Variants in MMD2 observed in about 807,000 individuals in gnomAD.
MMD2 encodes monocyte to macrophage differentiation factor 2.
MMD2 carries 30 observed loss-of-function variants against 33.5 expected under a neutral mutation model. The observed-to-expected ratio is 0.90, with a 90% CI of 0.67 to 1.22. The LOEUF (loss-of-function observed/expected upper bound fraction) is 1.22. MMD2 is among the 50% of genes most tolerant of loss of function. The pLI, the probability that MMD2 is intolerant of heterozygous loss-of-function variation, is 0.00. For synonymous variants in MMD2, 129 were observed against 123.0 expected, an observed-to-expected ratio of 1.05 and a Z score of -0.32; for missense variants, 364 against 325.4, an observed-to-expected ratio of 1.12 and a Z score of -0.91.
intron 1 of MMD2, among the ~76,000 whole-genome samples, chr7:4,951,303 A>T (rs1786236054): frequency 6.6e-6 from 1 of 152,006 alleles, no homozygotes; most frequent in African/African-American, 2.4e-5. Context: ...CTCAGTTTAA[A>T]AGCCCTTAAT....
At chr7:4,907,944 G>A (rs961851763) in intron 6 of MMD2, among the ~76,000 whole-genome samples, 1 of 152,052 alleles carries the variant, frequency 6.6e-6, no homozygotes, top group African/African-American at 2.4e-5. Flanking sequence ...TGGGACTACA[G>A]ATATCCCATG....
chr7:4,928,293 C>T (rs1040352026), intron 1 of MMD2, among the ~76,000 whole-genome samples: 1 of 152,178 alleles, frequency 6.6e-6, no homozygotes, highest in Non-Finnish European at 1.5e-5. Flanking sequence ...ATTTATTGGG[C>T]ACTTTCTGTA....
At position 4,906,667 on chromosome 7, in the gene MMD2, T is replaced by G. The variant is rs1784873686; in HGVS notation, c.*729A>C. The G allele has an allele frequency of 2.5e-6, 1 of 397,472 alleles. No homozygotes were observed. The highest frequency in any genetic ancestry group is 4.4e-6 in the Non-Finnish European group (1 of 225,608). 24.6% of individuals were successfully genotyped at this position (397,472 alleles called of 1,614,324 possible). A position where few individuals can be genotyped will look rare whatever the true frequency, so the allele number is the denominator to read the frequency against. ...CAGTTTCCCTCTACCGCCCCCAAAC[T>G]GCCTACTCCAGGAGTTTCCCAAAAG... On this transcript the variant is annotated 3_prime_UTR_variant, in exon 7 of 7. Transcript: ENST00000401401.
At chr7:4,920,753 T>C (rs958842425) in intron 2 of MMD2, among the ~76,000 whole-genome samples, 10 of 121,152 alleles carry the variant, frequency 8.3e-5, no homozygotes, top group Admixed American at 5.2e-4. Flanking sequence ...TTCCTTGTCT[T>C]GTCCCCCATG....
the MMD2 span, among the ~76,000 whole-genome samples, chr7:4,896,467 G>A: frequency 3.3e-5 from 5 of 152,154 alleles, no homozygotes; most frequent in South Asian, 2.1e-4. Flanking sequence ...GTGACAGAGC[G>A]AGACTCTGTC....
At chr7:4,927,326 C>A (rs969913845) in intron 1 of MMD2, among the ~76,000 whole-genome samples, 1 of 152,006 alleles carries the variant, frequency 6.6e-6, no homozygotes, top group Non-Finnish European at 1.5e-5. Context: ...AGGCGGATCA[C>A]TTTAGGCCAG....
In MMD2 at chr7:4,940,958, G is replaced by A. The variant is rs562788024; in HGVS notation, c.48-15426C>T. Among the ~76,000 whole-genome samples, 509 of 152,256 alleles carry A rather than the reference G, an allele frequency of 3.3e-3. 3 individuals carry two copies. Among genetic ancestry groups the A allele is most frequent in the South Asian group, 0.015 (74 of 4,824 alleles). ...CGGGAAATCTCTTCCCCTATGGGAT[G>A]AGAAGGGTCCGTATCTCCAAAGCTA... On this transcript the variant is annotated intron_variant, in intron 1 of 6. Transcript: ENST00000401401. This position sits in a 1 kb window ranked among gnomAD's most constrained non-coding sequence, Gnocchi z 5.0.
At chr7:4,952,819 G>C (rs1786284448) in intron 1 of MMD2, among the ~76,000 whole-genome samples, 1 of 151,386 alleles carries the variant, frequency 6.6e-6, no homozygotes, top group South Asian at 2.1e-4. Context: ...AGCCTCCCGA[G>C]TAGCTGGGAT....
At chr7:4,911,802 C>G (rs1454848030) in intron 4 of MMD2, among the ~76,000 whole-genome samples, 1 of 152,010 alleles carries the variant, frequency 6.6e-6, no homozygotes. Context: ...GCATGCGCCA[C>G]CATGCCCGGC....
Position 4,940,731 on chromosome 7 carries a change from G to A in MMD2, c.48-15199C>T, listed in dbSNP as rs1785884753. ...CTGGGGCAGACAGTGATGGGAACAG[G>A]AAGGGGAAACTGAGCAAGGGGTGGA... On this transcript the variant is annotated intron_variant, in intron 1 of 6. Transcript: ENST00000401401. The surrounding 1 kb of genome is among the most constrained non-coding windows in gnomAD (Gnocchi z 5.0). 6.6e-6 allele frequency among the ~76,000 whole-genome samples: 1 copy of A among 152,190 alleles called. No homozygotes were observed. The highest frequency in any genetic ancestry group is 6.5e-5 in the Admixed American group (1 of 15,270).
intron 2 of MMD2, among the ~76,000 whole-genome samples, chr7:4,924,065 G>A (rs1000757418): frequency 6.6e-6 from 1 of 152,116 alleles, no homozygotes; most frequent in South Asian, 2.1e-4. Context: ...GGTGGCGGGC[G>A]CCTGTAGTCC....
downstream of MMD2, among the ~76,000 whole-genome samples, chr7:4,903,154 CT>C: frequency 6.6e-6 from 1 of 152,290 alleles, no homozygotes; most frequent in East Asian, 1.9e-4. Flanking sequence ...AGGAGAATCA[CT>C]TGAACCCAGG....
At chr7:4,894,165 G>A in the MMD2 span, among the ~76,000 whole-genome samples, 1 of 151,962 alleles carries the variant, frequency 6.6e-6, no homozygotes, top group African/African-American at 2.4e-5. This position sits in a 1 kb window ranked among gnomAD's most constrained non-coding sequence, Gnocchi z 4.3. Context: ...GATGATGCAC[G>A]ACCTCCAAGG....
chr7:4,945,267 CTTTCTTTTTT>C (rs1786043653), intron 1 of MMD2, among the ~76,000 whole-genome samples: 1 of 96,486 alleles, frequency 1.0e-5, no homozygotes, highest in Non-Finnish European at 2.1e-5. Context: ...CCTCCCCTTT[CTTTCTTTTTT>C]TTTCTTTTTT....
rs772318503 is a variant in MMD2 at position 4,906,632 on chromosome 7, G to A, written c.*764C>T. ...GAACAGAACATCAGGGGCTGCATGG[G>A]TGTGCGCCTCAGTTTCCCTCTACCG... On this transcript the variant is annotated 3_prime_UTR_variant, in exon 7 of 7. Transcript: ENST00000401401. 9.0e-5 allele frequency: 36 copies of A among 398,268 alleles called. No homozygotes were observed. Among genetic ancestry groups the A allele is most frequent in the Non-Finnish European group, 8.9e-5 (20 of 225,970 alleles). The allele number at this position is 398,268 out of a possible 1,614,324, so 24.7% of individuals were successfully genotyped here. A position where few individuals can be genotyped will look rare whatever the true frequency, so the allele number is the denominator to read the frequency against.
intron 1 of MMD2, among the ~76,000 whole-genome samples, chr7:4,951,272 C>T (rs538378728): frequency 2.4e-4 from 36 of 152,034 alleles, no homozygotes; most frequent in Admixed American, 2.1e-3. Context: ...CAAATCCAGA[C>T]GGTTTAACTG....
chr7:4,953,703 T>G (rs371637540), intron 1 of MMD2, among the ~76,000 whole-genome samples: 5 of 152,228 alleles, frequency 3.3e-5, no homozygotes, highest in East Asian at 3.9e-4. Flanking sequence ...ACTCCTGACC[T>G]CAGGTGATCC....
Position 4,907,559 on chromosome 7 carries a change from A to T in MMD2, c.578T>A (p.Val193Asp), listed in dbSNP as rs755547926. The T allele has an allele frequency of 4.3e-6, 7 of 1,612,596 alleles. No individual in the cohort carries two copies. The change falls in exon 7 of 7, where the codon GTC (valine) becomes GAC (aspartate). Residue 193 changes from valine (V) to aspartate (D), a missense_variant. Transcript: ENST00000401401. ...EGIWELVTGG[V>D]FYCLGMVFFK... ...GAAGACCATGCCCAGGCAGTAGAAG[A>T]CCCCTCCGGTCACCAGCTCCCAGAT...
At position 4,930,722 on chromosome 7, in the gene MMD2, C is replaced by T. The variant is rs147794901; in HGVS notation, c.48-5190G>A. 1.2e-3 allele frequency among the ~76,000 whole-genome samples: 178 copies of T among 151,906 alleles called. 2 individuals carry two copies. Among genetic ancestry groups the T allele is most frequent in the East Asian group, 9.5e-3 (49 of 5,174 alleles). On this transcript the variant is annotated intron_variant, in intron 1 of 6. Coordinates refer to ENST00000401401, the MANE Select transcript of MMD2 (RefSeq NM_198403.4). ...ACACACGGGGACGACAGCCATGTGA[C>T]GGTGGAGGCAGAGATTGTGGCAATG...
Sources: allele counts gnomAD v4.1 joint callset (sites outside exome capture counted in the v4.1 genomes callset), GRCh38; gene constraint gnomAD v4.1.1; non-coding constraint Gnocchi (gnomAD v3.1); transcripts MANE v1.5; gene names NCBI Gene and HGNC (gene_info 2026-07-23, HGNC 2026-07-21).